Variants in MTREX observed in about 807,000 individuals in gnomAD.
MTREX encodes the protein exosome RNA helicase MTR4.
A neutral mutation model predicts 135.4 loss-of-function variants in MTREX; 76 were observed. The observed-to-expected ratio is 0.56, with a 90% CI of 0.47 to 0.68. The LOEUF (loss-of-function observed/expected upper bound fraction) is 0.68, where lower values mean the gene tolerates loss of function less well. Ranked by LOEUF, MTREX falls within the 30% of genes least tolerant of loss-of-function variation. The pLI is 0.00. For synonymous variants in MTREX, 404 were observed against 401.6 expected (o/e 1.01, Z -0.07); for missense variants, 920 against 1,262.1 (o/e 0.73, Z 4.11).
intron 3 of MTREX, among the ~76,000 whole-genome samples, chr5:55,327,231 C>T (rs1749397930): frequency 6.6e-6 from 1 of 152,140 alleles, no homozygotes; most frequent in South Asian, 2.1e-4. Context: ...GATCCTGGGT[C>T]AAATGGTATT....
intron 16 of MTREX, among the ~76,000 whole-genome samples, chr5:55,372,769 G>GA (rs2112092460): frequency 6.6e-6 from 1 of 152,024 alleles, no homozygotes; most frequent in South Asian, 2.1e-4. Flanking sequence ...TAAAACTCAG[G>GA]AAAAAACATA....
rs113304584 is a variant in MTREX at position 55,308,213 on chromosome 5, C to G, written c.134+66C>G. On this transcript the variant is annotated intron_variant, in intron 1 of 26. Transcript: ENST00000230640. ...CGGTGGGGAGGAAGAAAACACTACTCTCTTAGGAAGAGCACGAGAAAGTGA... is the reference window on the plus strand; with the variant it reads ...CGGTGGGGAGGAAGAAAACACTACTGTCTTAGGAAGAGCACGAGAAAGTGA... The G allele has an allele frequency of 1.1e-3, 1,725 of 1,506,332 alleles. 15 individuals carry two copies. The African/African-American group carries it at 0.022, about 19-fold the overall frequency. 93.3% of individuals were successfully genotyped at this position (1,506,332 alleles called of 1,614,324 possible). A position where few individuals can be genotyped will look rare whatever the true frequency, so the allele number is the denominator to read the frequency against.
chr5:55,348,310 A>C (rs1749772201), intron 11 of MTREX, among the ~76,000 whole-genome samples: 1 of 152,124 alleles, frequency 6.6e-6, no homozygotes, highest in East Asian at 1.9e-4. Flanking sequence ...CACTCCTCTG[A>C]TAAAGGCATT....
At chr5:55,370,950 A>G (rs1186017603) in intron 16 of MTREX, among the ~76,000 whole-genome samples, 2 of 152,256 alleles carry the variant, frequency 1.3e-5, no homozygotes, top group African/African-American at 2.4e-5. Context: ...GATGGCTCAC[A>G]TACATGAGAT....
intron 1 of MTREX, among the ~76,000 whole-genome samples, chr5:55,320,323 T>C (rs1306687232): frequency 6.6e-6 from 1 of 151,226 alleles, no homozygotes; most frequent in Admixed American, 6.6e-5. Context: ...GTTCACACCA[T>C]TCTACCTCAG....
intron 18 of MTREX, among the ~76,000 whole-genome samples, chr5:55,382,035 T>G (rs1300339610): frequency 6.6e-6 from 1 of 152,200 alleles, no homozygotes; most frequent in African/African-American, 2.4e-5. Flanking sequence ...CTTGTTTATA[T>G]CAGTAAATTT....
rs181975178 is a variant in MTREX, at chr5:55,425,069, T to C, written c.*297T>C. ...TAAAGGTAACTATGTACACACAAAG[T>C]GTGCATCCAAGAGGCATAGCAGCAG... On this transcript the variant is annotated 3_prime_UTR_variant, in exon 27 of 27. Transcript: ENST00000230640. The C allele has an allele frequency of 3.4e-5, 39 of 1,154,522 alleles. No individual in the cohort carries two copies. The African/African-American group carries it at 5.1e-4, about 15-fold the overall frequency. 71.5% of individuals were successfully genotyped at this position (1,154,522 alleles called of 1,614,324 possible).
intron 18 of MTREX, among the ~76,000 whole-genome samples, chr5:55,385,036 T>G (rs765418859): frequency 4.6e-5 from 7 of 152,244 alleles, no homozygotes; most frequent in Non-Finnish European, 1.0e-4. Context: ...GTCTTGAATT[T>G]CCTCAGGCTC....
At chr5:55,325,961 T>G (rs1749371186) in intron 3 of MTREX, among the ~76,000 whole-genome samples, 1 of 152,206 alleles carries the variant, frequency 6.6e-6, no homozygotes. Context: ...TTCTAGAAAT[T>G]TATCTTTTAA....
Position 55,410,760 on chromosome 5 carries a change from A to G in MTREX, c.2751+131A>G, listed in dbSNP as rs73122297. 1.8e-3 allele frequency: 781 copies of G among 445,826 alleles called. 3 individuals are homozygous for G. The highest frequency in any genetic ancestry group is 0.013 in the African/African-American group (663 of 49,742). The allele number at this position is 445,826 out of a possible 1,614,324, so 27.6% of individuals were successfully genotyped here. ...GTAATGTTAATTGGAAATCACAGCA[A>G]CTTTAACACAAATGTACTAAGAAAA... On this transcript the variant is annotated intron_variant, in intron 23 of 26. Coordinates refer to ENST00000230640, the MANE Select transcript of MTREX (RefSeq NM_015360.5).
At position 55,414,239 on chromosome 5, in the gene MTREX, G is replaced by C. The variant is rs1750930763; in HGVS notation, c.2808+1G>C. 6.6e-7 allele frequency: 1 copy of C among 1,504,456 alleles called. No individual in the cohort carries two copies. The highest frequency in any genetic ancestry group is 1.5e-5 in the African/African-American group (1 of 68,488). 93.2% of individuals were successfully genotyped at this position (1,504,456 alleles called of 1,614,324 possible). A position where few individuals can be genotyped will look rare whatever the true frequency, so the allele number is the denominator to read the frequency against. ...AGCAGGACCACTTCGTCAAATGCAG[G>C]TAAGGTTTTTTTTTTTTTTTTTTGA... On this transcript the variant is annotated splice_donor_variant, in intron 24 of 26. Transcript: ENST00000230640. LOFTEE classifies it high-confidence loss of function.
At chr5:55,323,780 A>G (rs1254433456) in intron 2 of MTREX, among the ~76,000 whole-genome samples, 1 of 152,102 alleles carries the variant, frequency 6.6e-6, no homozygotes, top group African/African-American at 2.4e-5. Flanking sequence ...TATACTTTCT[A>G]TTGTGTAATG....
At chr5:55,340,398 A>G (rs942532919) in intron 6 of MTREX, among the ~76,000 whole-genome samples, 2 of 152,136 alleles carry the variant, frequency 1.3e-5, no homozygotes, top group African/African-American at 4.8e-5. Flanking sequence ...TTTGTCTCAG[A>G]TACATTTTTT....
intron 22 of MTREX, among the ~76,000 whole-genome samples, chr5:55,408,922 TTTATTTA>T (rs1750846396): frequency 0.012 from 39 of 3,232 alleles, no homozygotes; most frequent in South Asian, 0.085. Flanking sequence ...AATATTTTTA[TTTATTTA>T]TTTATTTATT....
chr5:55,406,673 C>T (rs1240058557), intron 22 of MTREX, among the ~76,000 whole-genome samples: 1 of 152,100 alleles, frequency 6.6e-6, no homozygotes, highest in African/African-American at 2.4e-5. Context: ...TTGGATTGTT[C>T]TGTGTCTACA....
At chr5:55,341,660 A>AT in intron 6 of MTREX, 21 bp from the exon 7 acceptor site, 2 of 1,403,672 alleles carry the variant, frequency 1.4e-6, no homozygotes, top group South Asian at 1.3e-5. Flanking sequence ...AACTAAATAC[A>AT]TTTTTTACTT....
At chr5:55,318,979 C>T (rs1393001161) in intron 1 of MTREX, among the ~76,000 whole-genome samples, 2 of 150,232 alleles carry the variant, frequency 1.3e-5, no homozygotes, top group Non-Finnish European at 3.0e-5. Flanking sequence ...TGTACATCTT[C>T]ACTCAAATAT....
intron 21 of MTREX, among the ~76,000 whole-genome samples, chr5:55,401,975 T>C (rs1412359760): frequency 6.6e-6 from 1 of 152,220 alleles, no homozygotes; most frequent in Admixed American, 6.5e-5. Context: ...GATTTTAAGC[T>C]CCTTAGAGTC....
intron 16 of MTREX, among the ~76,000 whole-genome samples, chr5:55,368,025 G>A (rs143417023): frequency 7.3e-4 from 111 of 152,298 alleles, no homozygotes; most frequent in African/African-American, 2.6e-3. Flanking sequence ...AAATTTAGAT[G>A]TGGAGTTTTT....
Sources: gnomAD v4.1 joint callset for allele counts (sites outside exome capture counted in the v4.1 genomes callset) on GRCh38, gnomAD v4.1.1 for gene constraint, MANE v1.5 for transcripts, NCBI Gene and HGNC (gene_info 2026-07-23, HGNC 2026-07-21) for gene names.